The following TNK2 variants were observed in gnomAD, a reference collection of about 807,000 sequenced individuals.
TNK2 encodes activated CDC42 kinase 1.
A neutral mutation model predicts 101.8 loss-of-function variants in TNK2; 83 were observed. That is an observed-to-expected ratio of 0.82 (90% CI 0.68 to 0.98). The LOEUF (loss-of-function observed/expected upper bound fraction) is 0.98. TNK2 is among the 50% of genes least tolerant of loss of function. TNK2 has a pLI of 0.00. For synonymous variants in TNK2, 804 were observed against 633.0 expected, an observed-to-expected ratio of 1.27 and a Z score of -4.06; for missense variants, 1,665 against 1,483.2, an observed-to-expected ratio of 1.12 and a Z score of -2.01.
At position 195,867,582 on chromosome 3, in the gene TNK2, G is replaced by A. The variant is rs752274977; in HGVS notation, c.2716C>T (p.Pro906Ser). 1.4e-5 allele frequency: 22 copies of A among 1,586,444 alleles called. No homozygotes were observed. The South Asian group carries it at 1.7e-4, about 12-fold the overall frequency. Reference sequence around the variant, plus strand: ...GTGCTGGGTGGGGGCAGCAGCAGAGGCACAGGCAGGGGGGTAGGCTCCTCG... The same window carrying A: ...GTGCTGGGTGGGGGCAGCAGCAGAGACACAGGCAGGGGGGTAGGCTCCTCG... ...SPEEPTPLPV[P>S]LLLPPPSTPA... Residue 906 changes from proline (P) to serine (S), a missense_variant, in exon 13 of 16, where the codon CCT becomes TCT. Physicochemically the swap from Pro to Ser is moderately conservative, Grantham distance 74. This residue lies in a region of TNK2 where 1,136 missense variants were observed against 894.9 expected (regional missense o/e 1.27). Transcript: ENST00000672887.
At chr3:195,893,346 C>G (rs1183415141) in intron 1 of TNK2, among the ~76,000 whole-genome samples, 1 of 151,946 alleles carries the variant, frequency 6.6e-6, no homozygotes, top group Admixed American at 6.6e-5. Flanking sequence ...GATCCTCACC[C>G]CCTCCCCTGG....
intron 15 of TNK2, among the ~76,000 whole-genome samples, chr3:195,865,869 C>T (rs1740497116): frequency 6.6e-6 from 1 of 152,206 alleles, no homozygotes; most frequent in African/African-American, 2.4e-5. Flanking sequence ...TCCATCGCGC[C>T]AGTCCCTTCC....
chr3:195,900,221 G>A (rs1311926776), intron 1 of TNK2, among the ~76,000 whole-genome samples: 2 of 152,052 alleles, frequency 1.3e-5, no homozygotes, highest in Non-Finnish European at 2.9e-5. Flanking sequence ...AAGGGGGCCT[G>A]GGTCTGTCAG....
Position 195,885,423 on chromosome 3 carries a change from G to A in TNK2, c.235-390C>T. ...GACTCCAGCCCTAACCCGCATCGAT[G>A]GAGCCGCAGGGGCCCTCCACAGACA... On this transcript the variant is annotated intron_variant, in intron 3 of 15. Coordinates refer to ENST00000672887, the MANE Select transcript of TNK2 (RefSeq NM_001382273.1). This position sits in a 1 kb window ranked among gnomAD's most constrained non-coding sequence, Gnocchi z 4.7. 1 of 1,335,386 alleles carries A rather than the reference G, an allele frequency of 7.5e-7. No homozygotes were observed. The allele number at this position is 1,335,386 out of a possible 1,614,324, so 82.7% of individuals were successfully genotyped here. A position where few individuals can be genotyped will look rare whatever the true frequency, so the allele number is the denominator to read the frequency against.
intron 1 of TNK2, chr3:195,892,626 C>G (rs1001740048): frequency 5.6e-6 from 8 of 1,438,976 alleles, no homozygotes. Flanking sequence ...GGCCCCTCCG[C>G]TCTGCTGCAA....
intron 15 of TNK2, among the ~76,000 whole-genome samples, chr3:195,866,390 C>T (rs963928117): frequency 8.5e-5 from 13 of 152,218 alleles, no homozygotes; most frequent in Admixed American, 3.9e-4. Flanking sequence ...TAGTAGAGAC[C>T]TGGTCTCGCC....
At chr3:195,869,901 C>A in intron 11 of TNK2, 1 of 561,270 alleles carries the variant, frequency 1.8e-6, no homozygotes, top group Non-Finnish European at 3.2e-6. Context: ...GGGCCTGCTG[C>A]AGACCCAGCC....
At chr3:195,876,379 A>C (rs1205353138) in intron 9 of TNK2, 2 of 454,700 alleles carry the variant, frequency 4.4e-6, no homozygotes, top group Non-Finnish European at 8.8e-6. Context: ...GGCGAAGAGA[A>C]GGCCAGGCTA....
At chr3:195,876,002 A>G (rs1285189796) in intron 9 of TNK2, among the ~76,000 whole-genome samples, 1 of 152,098 alleles carries the variant, frequency 6.6e-6, no homozygotes, top group Non-Finnish European at 1.5e-5. Flanking sequence ...TCTTCTCCCT[A>G]GGGGTCCCAG....
At position 195,869,510 on chromosome 3, in the gene TNK2, G is replaced by A. The variant is rs893836523; in HGVS notation, c.1575C>T (p.Ala525=). The part of the protein sequence containing the change: ...REPPPRPPQP[A]FFTQKPTYDP... ...AGCCCCACTTACTCTGAGTGAAGAA[G>A]GCAGGCTGAGGTGGGCGAGGTGGAG... Residue 525 remains alanine (A), a synonymous_variant, in exon 12 of 16, where the codon GCC becomes GCT. Transcript: ENST00000672887. 1.9e-5 allele frequency: 30 copies of A among 1,550,856 alleles called. No individual in the cohort carries two copies. Among genetic ancestry groups the A allele is most frequent in the Non-Finnish European group, 2.5e-5 (29 of 1,146,980 alleles).
intron 6 of TNK2, chr3:195,879,450 G>C (rs1455248202): frequency 2.9e-6 from 1 of 348,756 alleles, no homozygotes; most frequent in Non-Finnish European, 5.4e-6. Flanking sequence ...TGGAAAGGAA[G>C]GAGGTCAGAG....
At chr3:195,902,910 C>G (rs1005705325) in intron 1 of TNK2, among the ~76,000 whole-genome samples, 2 of 151,778 alleles carry the variant, frequency 1.3e-5, no homozygotes, top group African/African-American at 4.8e-5. Context: ...CCATCACACC[C>G]GGCTAATTTT....
rs1576962882 is a variant in TNK2 at position 195,863,479 on chromosome 3, T to G, written c.*702A>C. On this transcript the variant is annotated 3_prime_UTR_variant, in exon 16 of 16. Transcript: ENST00000672887. ...CATGGAACCGCGTGGGGGAATTGGG[T>G]GGAAGAGGAAGCACTGATGTCCCTC... 1.3e-5 allele frequency: 2 copies of G among 152,642 alleles called. No homozygotes were observed. 9.5% of individuals were successfully genotyped at this position (152,642 alleles called of 1,614,324 possible).
chr3:195,872,583 A>G (rs1326592954), intron 9 of TNK2, 113 bp from the exon 10 acceptor site: 3 of 1,149,946 alleles, frequency 2.6e-6, no homozygotes, highest in Non-Finnish European at 3.6e-6. Context: ...CTCAGGCCTC[A>G]GGACCAGGCT....
At chr3:195,889,196 G>A (rs544067327) in intron 1 of TNK2, among the ~76,000 whole-genome samples, 74 of 152,076 alleles carry the variant, frequency 4.9e-4, no homozygotes, top group Admixed American at 3.2e-3. Context: ...CACAGCAAGC[G>A]GAAGACAGGA....
At chr3:195,892,658 T>C (rs1759050453) in intron 1 of TNK2, 5 of 1,404,230 alleles carry the variant, frequency 3.6e-6, no homozygotes, top group Admixed American at 3.0e-5. Context: ...TTTCCACAGC[T>C]GGCCGGTCTG....
Position 195,874,153 on chromosome 3 carries a change from G to A in TNK2, c.1257-1683C>T, listed in dbSNP as rs554426200. 4.8e-4 allele frequency among the ~76,000 whole-genome samples: 73 copies of A among 152,312 alleles called. 1 individual carries two copies. In the South Asian group the frequency reaches 9.7e-3, roughly 20 times the overall value. On this transcript the variant is annotated intron_variant, in intron 9 of 15. Coordinates refer to ENST00000672887, the MANE Select transcript of TNK2 (RefSeq NM_001382273.1). ...CCCCGGTGGCTGCCGCGGGCCAGAC[G>A]CCGGACTCTGCTCTCCACACCTCTT...
rs530829836 is a variant in TNK2 at position 195,868,943 on chromosome 3, G to A, written c.1589-234C>T. The A allele has an allele frequency of 3.6e-5, 20 of 558,080 alleles. 1 individual carries two copies. The East Asian group carries it at 3.8e-4, about 11-fold the overall frequency. 34.6% of individuals were successfully genotyped at this position (558,080 alleles called of 1,614,324 possible). A position where few individuals can be genotyped will look rare whatever the true frequency, so the allele number is the denominator to read the frequency against. On this transcript the variant is annotated intron_variant, in intron 12 of 15. Transcript: ENST00000672887. Reference sequence around the variant, plus strand: ...AGCCCCATGTGGGCCGGTGAGCCCCGCCTCGCTCCGTCTAAGCTGCAGCAA... The same window carrying A: ...AGCCCCATGTGGGCCGGTGAGCCCCACCTCGCTCCGTCTAAGCTGCAGCAA...
rs115588506 is a variant in TNK2, at chr3:195,888,613, G to C, written c.-18-7C>G. ...TTCTGCCGCCTCCCAGCCTCTGTGG[G>C]GGGAGGAGTGGCTCAGGGACAAGGG... On this transcript the variant is annotated splice_region_variant and splice_polypyrimidine_tract_variant and intron_variant, in intron 1 of 15. Coordinates refer to ENST00000672887, the MANE Select transcript of TNK2 (RefSeq NM_001382273.1). This position sits in a 1 kb window ranked among gnomAD's most constrained non-coding sequence, Gnocchi z 5.3. The C allele has an allele frequency of 9.9e-5, 158 of 1,603,576 alleles. 1 individual carries two copies. In the East Asian group the frequency reaches 3.5e-3, roughly 36 times the overall value.
Sources: allele counts gnomAD v4.1 joint callset (sites outside exome capture counted in the v4.1 genomes callset), GRCh38; gene constraint gnomAD v4.1.1; regional missense constraint gnomAD v4.1.1; non-coding constraint Gnocchi (gnomAD v3.1); transcripts MANE v1.5; gene names NCBI Gene and HGNC (gene_info 2026-07-23, HGNC 2026-07-21).